Variants in TRPV5 observed in about 807,000 individuals in gnomAD.
The protein encoded by TRPV5 is transient receptor potential cation channel subfamily V member 5.
A neutral mutation model predicts 74.1 loss-of-function variants in TRPV5; 66 were observed. The observed-to-expected ratio is 0.89, with a 90% CI of 0.73 to 1.09. The LOEUF (loss-of-function observed/expected upper bound fraction) is 1.09, where lower values mean the gene tolerates loss of function less well. Among genes scored for constraint, TRPV5 ranks in the 50% least tolerant of loss-of-function variants. The probability of loss-of-function intolerance (pLI) is 0.00; values close to 1 mark genes in which losing one functional copy is unlikely to be tolerated. For synonymous variants in TRPV5, 399 were observed against 360.7 expected, an observed-to-expected ratio of 1.11 and a Z score of -1.20; for missense variants, 936 against 930.4, an observed-to-expected ratio of 1.01 and a Z score of -0.08.
chr7:142,908,854 T>C (rs753289203), intron 14 of TRPV5, 46 bp from the exon 15 acceptor site: 59 of 1,574,990 alleles, frequency 3.7e-5, no homozygotes, highest in Non-Finnish European at 5.0e-5. Flanking sequence ...TGGGGAGACA[T>C]GGGCAGGGGA....
At chr7:142,909,679 C>A in intron 13 of TRPV5, 83 bp from the exon 14 acceptor site, 2 of 1,443,376 alleles carry the variant, frequency 1.4e-6, no homozygotes, top group Non-Finnish European at 9.5e-7. Context: ...ATAAAGGGAA[C>A]CAAAGGCAAT....
chr7:142,933,672 G>T lies in TRPV5; in HGVS notation c.-213C>A, dbSNP rs1796141337. ...GGTGTGCGTGTATGCACAGTGTGTG[G>T]CTGTGGTGTATGTGTGTGCATGCAG... On this transcript the variant is annotated 5_prime_UTR_variant, in exon 1 of 15. Transcript: ENST00000265310. The T allele has an allele frequency of 1.6e-6, 1 of 621,642 alleles. No homozygotes were observed. 38.5% of individuals were successfully genotyped at this position (621,642 alleles called of 1,614,324 possible). A position where few individuals can be genotyped will look rare whatever the true frequency, so the allele number is the denominator to read the frequency against.
At chr7:142,932,842 C>G (rs1045647651) in intron 1 of TRPV5, among the ~76,000 whole-genome samples, 4 of 152,224 alleles carry the variant, frequency 2.6e-5, no homozygotes, top group Non-Finnish European at 5.9e-5. Context: ...CAGAGCCCTC[C>G]AGTGTCACCT....
At chr7:142,923,659 G>A (rs1320388769) in intron 8 of TRPV5, among the ~76,000 whole-genome samples, 20 of 152,140 alleles carry the variant, frequency 1.3e-4, no homozygotes, top group Non-Finnish European at 1.5e-5. Context: ...GGAACAAGAA[G>A]GAAGGCAGAA....
Position 142,908,492 on chromosome 7 carries a change from T to C in TRPV5, c.*22A>G, listed in dbSNP as rs750438425. The C allele has an allele frequency of 1.9e-6, 3 of 1,612,300 alleles. No individual in the cohort carries two copies. On this transcript the variant is annotated 3_prime_UTR_variant, in exon 15 of 15. Transcript: ENST00000265310. ...GCCCCCAGGCCAACCGGGAGTAAGG[T>C]CAAGAGTGATAGCGATGTTAATCAA...
At chr7:142,921,878 T>C (rs1795891943) in intron 8 of TRPV5, among the ~76,000 whole-genome samples, 1 of 152,210 alleles carries the variant, frequency 6.6e-6, no homozygotes, top group South Asian at 2.1e-4. Flanking sequence ...TAGACTTTGG[T>C]GAGGTTATTC....
At chr7:142,918,608 A>C (rs1355223484) in intron 8 of TRPV5, among the ~76,000 whole-genome samples, 1 of 152,198 alleles carries the variant, frequency 6.6e-6, no homozygotes, top group East Asian at 1.9e-4. Context: ...AGTGTTCTTT[A>C]ATCTTTATCG....
chr7:142,922,171 G>C (rs906079805), intron 8 of TRPV5, among the ~76,000 whole-genome samples: 1 of 152,238 alleles, frequency 6.6e-6, no homozygotes, highest in Non-Finnish European at 1.5e-5. Flanking sequence ...CAGACATCAT[G>C]TGTGTTTTGC....
Position 142,912,526 on chromosome 7 carries a change from G to A in TRPV5, c.1744C>T (p.His582Tyr). ...NLFIAMMGDT[H>Y]WRVAQERDEL... ...TCCCTCTCCTGGGCCACCCTCCAGT[G>A]GGTGTCGCCCATCATGGCGATGAAC... is the stretch of plus-strand genomic sequence containing the variant. The change falls in exon 13 of 15, where the codon CAC (histidine) becomes TAC (tyrosine). Residue 582 changes from histidine (H) to tyrosine (Y), a missense_variant. Coordinates refer to ENST00000265310, the MANE Select transcript of TRPV5 (RefSeq NM_019841.7). 6.2e-7 allele frequency: 1 copy of A among 1,614,248 alleles called. No individual in the cohort carries two copies. The highest frequency in any genetic ancestry group is 8.5e-7 in the Non-Finnish European group (1 of 1,180,044).
chr7:142,932,901 C>T (rs757436044), intron 1 of TRPV5, among the ~76,000 whole-genome samples: 72 of 152,180 alleles, frequency 4.7e-4, no homozygotes, highest in Non-Finnish European at 8.2e-4. Context: ...CCAAACAAAG[C>T]GCTCCTCCCC....
At chr7:142,923,658 A>C (rs1795920638) in intron 8 of TRPV5, among the ~76,000 whole-genome samples, 1 of 152,216 alleles carries the variant, frequency 6.6e-6, no homozygotes, top group South Asian at 2.1e-4. Context: ...AGGAACAAGA[A>C]GGAAGGCAGA....
chr7:142,913,205 G>T (rs573169730), intron 12 of TRPV5, among the ~76,000 whole-genome samples: 2 of 152,232 alleles, frequency 1.3e-5, no homozygotes, highest in African/African-American at 4.8e-5. Context: ...TTTTAATCTT[G>T]ATGGCCTCTA....
Position 142,925,374 on chromosome 7 carries a change from C to T in TRPV5, c.1122+155G>A. On this transcript the variant is annotated intron_variant, in intron 8 of 14. Coordinates refer to ENST00000265310, the MANE Select transcript of TRPV5 (RefSeq NM_019841.7). ...TGTGCTCATTAAACCCCATCTGTGG[C>T]CTCCTGGTCTCATGTCTAATTTCTA... The T allele has an allele frequency of 4.3e-6, 3 of 694,474 alleles. No individual in the cohort carries two copies. In the South Asian group the frequency reaches 5.3e-5, roughly 12 times the overall value. The allele number at this position is 694,474 out of a possible 1,614,324, so 43.0% of individuals were successfully genotyped here.
intron 7 of TRPV5, among the ~76,000 whole-genome samples, chr7:142,925,950 A>G (rs879550614): frequency 1.3e-5 from 2 of 152,236 alleles, no homozygotes; most frequent in Non-Finnish European, 2.9e-5. Context: ...ACAAGGCACC[A>G]TAGCACCAAA....
At chr7:142,928,643 G>T (rs146351350) in intron 6 of TRPV5, 48 bp downstream of exon 6, 1 of 1,582,516 alleles carries the variant, frequency 6.3e-7, no homozygotes, top group Admixed American at 1.8e-5. Context: ...AGCAGGATAG[G>T]TTGAGGGTCA....
Position 142,908,960 on chromosome 7 carries a change from G to A in TRPV5, c.1896-152C>T, listed in dbSNP as rs144164076. The A allele has an allele frequency of 8.9e-6, 7 of 785,774 alleles. No individual in the cohort carries two copies. In the African/African-American group the frequency reaches 1.0e-4, roughly 12 times the overall value. 48.7% of individuals were successfully genotyped at this position (785,774 alleles called of 1,614,324 possible). On this transcript the variant is annotated intron_variant, in intron 14 of 14. Transcript: ENST00000265310. Reference sequence around the variant, plus strand: ...GAAGAGTATCTGGGATCAAGTGAAGGGAGGTGATGGAGGGCAGGCTAACCT... The same window carrying A: ...GAAGAGTATCTGGGATCAAGTGAAGAGAGGTGATGGAGGGCAGGCTAACCT...
chr7:142,919,625 C>T (rs1563372854), intron 8 of TRPV5, among the ~76,000 whole-genome samples: 1 of 152,220 alleles, frequency 6.6e-6, no homozygotes, highest in Non-Finnish European at 1.5e-5. Context: ...TACTCCACAA[C>T]ATGGCTTGCA....
chr7:142,928,304 G>A, intron 6 of TRPV5, 70 bp from the exon 7 acceptor site: 1 of 1,549,904 alleles, frequency 6.5e-7, no homozygotes, highest in Non-Finnish European at 8.9e-7. Flanking sequence ...AACTCCATTG[G>A]ATGGAGCCAG....
rs769744626 is a variant in TRPV5, at chr7:142,908,776, C to G, written c.1928G>C (p.Arg643Pro). 2.9e-5 allele frequency: 47 copies of G among 1,613,248 alleles called. No individual in the cohort carries two copies. Among genetic ancestry groups the G allele is most frequent in the Admixed American group, 8.3e-5 (5 of 59,996 alleles). Residue 643 changes from arginine to proline, a missense_variant, in exon 15 of 15, where the codon CGA becomes CCA. Transcript: ENST00000265310. ...GAACACTTCCACATAGCGAAGCACT[C>G]GCAGAGGATTCTGATCATTGTGGTT... Reference protein sequence around the residue: ...VENHNDQNPLRVLRYVEVFKN... With the variant: ...VENHNDQNPLPVLRYVEVFKN...
Sources: gnomAD v4.1 joint callset for allele counts (sites outside exome capture counted in the v4.1 genomes callset) on GRCh38, gnomAD v4.1.1 for gene constraint, MANE v1.5 for transcripts, NCBI Gene and HGNC (gene_info 2026-07-23, HGNC 2026-07-21) for gene names.